GLP1R: variants seen among roughly 807,000 people sequenced by gnomAD.
GLP1R encodes glucagon-like peptide 1 receptor.
A neutral mutation model predicts 68.4 loss-of-function variants in GLP1R; 32 were observed. The observed-to-expected ratio is 0.47, with a 90% CI of 0.35 to 0.63. GLP1R has a LOEUF of 0.63. Among genes scored for constraint, GLP1R ranks in the 20% least tolerant of loss-of-function variants. The pLI is 0.00. For synonymous variants in GLP1R, 263 were observed against 244.4 expected, an observed-to-expected ratio of 1.08 and a Z score of -0.71; for missense variants, 502 against 594.9, an observed-to-expected ratio of 0.84 and a Z score of 1.62.
chr6:39,048,910 C>A lies in GLP1R; in HGVS notation c.70C>A (p.Arg24Ser). The change falls in exon 1 of 13, where the codon CGC (arginine) becomes AGC (serine). Residue 24 changes from arginine to serine, a missense_variant. Coordinates refer to ENST00000373256, the MANE Select transcript of GLP1R (RefSeq NM_002062.5). ...LLGMVGRAGP[R>S]PQGATVSLWE... is the part of the protein sequence containing the mutation. The stretch of plus-strand genomic sequence containing the variant: ...CGGGATGGTGGGCAGGGCCGGCCCC[C>A]GCCCCCAGGTGAGATCCAGGGACCC... 1 of 1,399,876 alleles carries A rather than the reference C, an allele frequency of 7.1e-7. No homozygotes were observed. Among genetic ancestry groups the A allele is most frequent in the East Asian group, 2.9e-5 (1 of 34,954 alleles). The allele number at this position is 1,399,876 out of a possible 1,614,324, so 86.7% of individuals were successfully genotyped here.
At chr6:39,061,474 C>T (rs1443997372) in intron 3 of GLP1R, among the ~76,000 whole-genome samples, 1 of 152,198 alleles carries the variant, frequency 6.6e-6, no homozygotes, top group Non-Finnish European at 1.5e-5. Flanking sequence ...CTATAACTCA[C>T]AGTTCTTGGA....
At chr6:39,059,673 CCACCTCCCTACA>C (rs1768309777) in intron 3 of GLP1R, among the ~76,000 whole-genome samples, 1 of 152,066 alleles carries the variant, frequency 6.6e-6, no homozygotes, top group Admixed American at 6.5e-5. Context: ...TTAATTTTTC[CCACCTCCCTACA>C]TACCTCCCTG....
Position 39,085,788 on chromosome 6 carries a change from G to A in GLP1R, c.1225-118G>A, listed in dbSNP as rs10305509. On this transcript the variant is annotated intron_variant, in intron 12 of 12. Coordinates refer to ENST00000373256, the MANE Select transcript of GLP1R (RefSeq NM_002062.5). ...TTTAGGAGCCCGAAGGCCTTGACTTGTGTCTCTTAATATAATGCAGTGGAT... is the reference window on the plus strand; with the variant it reads ...TTTAGGAGCCCGAAGGCCTTGACTTATGTCTCTTAATATAATGCAGTGGAT... The A allele has an allele frequency of 1.6e-3, 1,501 of 927,234 alleles. 18 individuals are homozygous for A. In the African/African-American group the frequency reaches 0.022, roughly 14 times the overall value. 57.4% of individuals were successfully genotyped at this position (927,234 alleles called of 1,614,324 possible).
At chr6:39,072,399 T>G (rs1327995939) in intron 5 of GLP1R, among the ~76,000 whole-genome samples, 2 of 152,228 alleles carry the variant, frequency 1.3e-5, no homozygotes, top group Admixed American at 6.5e-5. Context: ...CCCTGTACTT[T>G]CAATTTGCTA....
At chr6:39,070,665 C>T (rs1583634066) in intron 5 of GLP1R, among the ~76,000 whole-genome samples, 1 of 152,148 alleles carries the variant, frequency 6.6e-6, no homozygotes, top group East Asian at 1.9e-4. Flanking sequence ...GTGAAATTGC[C>T]TTATGATTTT....
At chr6:39,081,142 A>G (rs1279552476) in intron 12 of GLP1R, among the ~76,000 whole-genome samples, 2 of 152,024 alleles carry the variant, frequency 1.3e-5, no homozygotes, top group Non-Finnish European at 2.9e-5. Flanking sequence ...CATCCCTCAA[A>G]AAAAAACCCT....
At chr6:39,072,616 A>G (rs1768700764) in intron 5 of GLP1R, among the ~76,000 whole-genome samples, 1 of 152,230 alleles carries the variant, frequency 6.6e-6, no homozygotes, top group African/African-American at 2.4e-5. Flanking sequence ...TGCAGAGAGA[A>G]GGATAGAATG....
At chr6:39,072,789 G>A in intron 5 of GLP1R, 73 bp from the exon 6 acceptor site, 2 of 1,365,084 alleles carry the variant, frequency 1.5e-6, no homozygotes. Flanking sequence ...GTGTGTGTTA[G>A]CTTGAGAGCC....
intron 7 of GLP1R, among the ~76,000 whole-genome samples, chr6:39,077,385 A>T (rs996084463): frequency 4.6e-5 from 7 of 152,228 alleles, no homozygotes; most frequent in African/African-American, 1.7e-4. Context: ...TTCAAGAGGC[A>T]GTTGGCAGGA....
At position 39,087,607 on chromosome 6, in the gene GLP1R, T is replaced by G. The variant is rs955289887; in HGVS notation, c.*1534T>G. ...GGATTCCTTTATGAGTCAGTCTCTC[T>G]CTCCCTTTTAAATGGTGGGAACCCT... is the stretch of plus-strand genomic sequence containing the variant. On this transcript the variant is annotated 3_prime_UTR_variant, in exon 13 of 13. Transcript: ENST00000373256. 6.6e-6 allele frequency: 1 copy of G among 152,132 alleles called. No individual in the cohort carries two copies. The highest frequency in any genetic ancestry group is 2.4e-5 in the African/African-American group (1 of 41,408). The allele number at this position is 152,132 out of a possible 1,614,324, so 9.4% of individuals were successfully genotyped here. A position where few individuals can be genotyped will look rare whatever the true frequency, so the allele number is the denominator to read the frequency against.
Position 39,078,389 on chromosome 6 carries a change from G to C in GLP1R, c.884+7G>C. 1 of 1,604,686 alleles carries C rather than the reference G, an allele frequency of 6.2e-7. No homozygotes were observed. The highest frequency in any genetic ancestry group is 1.7e-4 in the Middle Eastern group (1 of 6,046). On this transcript the variant is annotated splice_region_variant and intron_variant, in intron 8 of 12. Coordinates refer to ENST00000373256, the MANE Select transcript of GLP1R (RefSeq NM_002062.5). ...ACCTCTATGAGGACGAGGGGTGAGTGTCCTGCTCCAAGGGGGCGGGTGTGC... is the reference window on the plus strand; with the variant it reads ...ACCTCTATGAGGACGAGGGGTGAGTCTCCTGCTCCAAGGGGGCGGGTGTGC...
intron 7 of GLP1R, among the ~76,000 whole-genome samples, chr6:39,077,634 T>C (rs898772247): frequency 6.6e-6 from 1 of 152,250 alleles, no homozygotes; most frequent in Non-Finnish European, 1.5e-5. Flanking sequence ...CAACGTGGAC[T>C]AACTACCCAA....
intron 12 of GLP1R, among the ~76,000 whole-genome samples, chr6:39,085,108 C>T (rs1007551846): frequency 3.3e-5 from 5 of 152,174 alleles, no homozygotes; most frequent in Admixed American, 2.0e-4. Context: ...TGGCCACCAC[C>T]GGGAGCCACA....
intron 3 of GLP1R, among the ~76,000 whole-genome samples, chr6:39,059,883 A>G (rs1217762358): frequency 6.6e-6 from 1 of 152,102 alleles, no homozygotes; most frequent in Admixed American, 6.6e-5. Context: ...TTATTTGAGC[A>G]GGAAATAGGT....
chr6:39,085,774 G>T (rs755657032), intron 12 of GLP1R, 132 bp from the exon 13 acceptor site: 1 of 799,898 alleles, frequency 1.3e-6, no homozygotes, highest in African/African-American at 1.7e-5. Context: ...TTAGGAGCCC[G>T]AAGGCCTTGA....
At chr6:39,065,609 G>A (rs950368774) in intron 3 of GLP1R, 102 bp from the exon 4 acceptor site, 1 of 671,708 alleles carries the variant, frequency 1.5e-6, no homozygotes, top group East Asian at 2.7e-5. Flanking sequence ...CATTCTGGGG[G>A]AGCAGGGATA....
chr6:39,054,341 T>G (rs1025537698), intron 1 of GLP1R, among the ~76,000 whole-genome samples: 2 of 151,930 alleles, frequency 1.3e-5, no homozygotes, highest in Admixed American at 1.3e-4. Flanking sequence ...TTGCACTGTG[T>G]GTGCCTGCAG....
intron 1 of GLP1R, among the ~76,000 whole-genome samples, chr6:39,053,674 G>A (rs552005514): frequency 7.2e-5 from 11 of 152,286 alleles, no homozygotes; most frequent in Non-Finnish European, 1.5e-4. Flanking sequence ...ACAAGTGTAA[G>A]CTGAGCCTAA....
At chr6:39,084,545 G>C (rs1019215027) in intron 12 of GLP1R, among the ~76,000 whole-genome samples, 3 of 152,156 alleles carry the variant, frequency 2.0e-5, no homozygotes, top group African/African-American at 7.2e-5. Flanking sequence ...CTGCACAAGT[G>C]GGGGCCACCA....
Sources: gnomAD v4.1 joint callset for allele counts (sites outside exome capture counted in the v4.1 genomes callset) on GRCh38, gnomAD v4.1.1 for gene constraint, MANE v1.5 for transcripts, NCBI Gene and HGNC (gene_info 2026-07-23, HGNC 2026-07-21) for gene names.